MTCL1: variants seen among roughly 807,000 people sequenced by gnomAD.
MTCL1 encodes the protein microtubule crosslinking factor 1, also known as microtubule cross-linking factor 1.
Under a neutral mutation model 141.4 loss-of-function variants are expected in MTCL1, and 79 were observed. The observed-to-expected ratio is 0.56, with a 90% CI of 0.47 to 0.67. MTCL1 has a LOEUF of 0.67. Among genes scored for constraint, MTCL1 ranks in the 30% least tolerant of loss-of-function variants. MTCL1 has a pLI of 0.00. For missense variants in MTCL1, 2,177 were observed against 2,113.9 expected, an observed-to-expected ratio of 1.03 and a Z score of -0.59; for synonymous variants, 914 against 875.8, an observed-to-expected ratio of 1.04 and a Z score of -0.77.
At chr18:8,825,873 G>T in exon 15 of MTCL1, 1 of 1,614,078 alleles carries the variant, frequency 6.2e-7, no homozygotes, top group Non-Finnish European at 8.5e-7. Flanking sequence ...CCACAGCCCC[G>T]TGGTGCAGGA....
intron 7 of MTCL1, among the ~76,000 whole-genome samples, chr18:8,792,461 A>G (rs2075765090): frequency 6.6e-6 from 1 of 152,168 alleles, no homozygotes; most frequent in Admixed American, 6.5e-5. Flanking sequence ...CCCCCACCCT[A>G]TTGCCCTGAG....
In MTCL1 at chr18:8,751,202, T is replaced by C. The variant is rs80197505; in HGVS notation, c.358-26631T>C. Among the ~76,000 whole-genome samples, 159 of 152,366 alleles carry C rather than the reference T, an allele frequency of 1.0e-3. 2 individuals carry two copies. Among genetic ancestry groups the C allele is most frequent in the African/African-American group, 3.8e-3 (158 of 41,588 alleles). On this transcript the variant is annotated intron_variant, in intron 4 of 16. Coordinates refer to ENST00000359865, the Ensembl canonical transcript of MTCL1. The stretch of plus-strand genomic sequence containing the variant: ...GTAAGGCTCAGGCTGCTGATGACTT[T>C]GCACTTTCACTTGGATGTTTATGTA...
chr18:8,774,124 G>T (rs186500456), intron 4 of MTCL1, among the ~76,000 whole-genome samples: 157 of 152,296 alleles, frequency 1.0e-3, no homozygotes, highest in Admixed American at 1.8e-3. Flanking sequence ...ATTAAAGTTT[G>T]TTTACAAAAC....
chr18:8,803,717 G>A (rs1030651554), intron 10 of MTCL1, among the ~76,000 whole-genome samples: 6 of 152,166 alleles, frequency 3.9e-5, no homozygotes, highest in African/African-American at 1.2e-4. Context: ...AGCTCATTCC[G>A]CAATGATTAA....
At position 8,786,337 on chromosome 18, in the gene MTCL1, C is replaced by T. The variant is rs145080304; in HGVS notation, c.1887+246C>T. 1.5e-3 allele frequency: 1,031 copies of T among 689,558 alleles called. 10 individuals carry two copies. Among genetic ancestry groups the T allele is most frequent in the African/African-American group, 0.015 (837 of 57,022 alleles). The allele number at this position is 689,558 out of a possible 1,614,324, so 42.7% of individuals were successfully genotyped here. A position where few individuals can be genotyped will look rare whatever the true frequency, so the allele number is the denominator to read the frequency against. On this transcript the variant is annotated intron_variant, in intron 7 of 16. Coordinates refer to ENST00000359865, the Ensembl canonical transcript of MTCL1. ...GACAGCTCACTGTAGGCACTGTCCA[C>T]CTCCTGTTTCCGCAGACCGGGAGCA...
At chr18:8,736,256 A>G (rs995284889) in intron 4 of MTCL1, among the ~76,000 whole-genome samples, 4 of 152,184 alleles carry the variant, frequency 2.6e-5, no homozygotes, top group African/African-American at 9.7e-5. Flanking sequence ...GACATCATGC[A>G]TCTTAAAATC....
chr18:8,772,757 T>C (rs1209811407), intron 4 of MTCL1, among the ~76,000 whole-genome samples: 1 of 151,990 alleles, frequency 6.6e-6, no homozygotes, highest in African/African-American at 2.4e-5. Flanking sequence ...GTATTTTCTT[T>C]ATAGTGTATT....
rs112032606 is a variant in MTCL1, at chr18:8,745,387, C to T, written c.357+24891C>T. ...TTTTGAATAAACCAAGAGACGGAGT[C>T]GCACTGTAGCCATCCGTCTGCGGCA... On this transcript the variant is annotated intron_variant, in intron 4 of 16. Coordinates refer to ENST00000359865, the Ensembl canonical transcript of MTCL1. Among the ~76,000 whole-genome samples the T allele has an allele frequency of 3.5e-3, 537 of 152,268 alleles. 4 individuals carry two copies. Among genetic ancestry groups the T allele is most frequent in the African/African-American group, 0.012 (513 of 41,546 alleles).
intron 4 of MTCL1, among the ~76,000 whole-genome samples, chr18:8,744,864 A>AG (rs1555635858): frequency 6.6e-6 from 1 of 151,694 alleles, no homozygotes; most frequent in Non-Finnish European, 1.5e-5. Context: ...CCTGCCCTCC[A>AG]CCCCCCGGAA....
chr18:8,820,087 G>A (rs907328268), intron 13 of MTCL1, among the ~76,000 whole-genome samples: 6 of 151,810 alleles, frequency 4.0e-5, no homozygotes, highest in Non-Finnish European at 8.8e-5. Context: ...TGTTTTTCTG[G>A]TTTTAATATT....
In MTCL1 at chr18:8,822,295, G is replaced by GTTGA. The variant is rs1295710931; in HGVS notation, c.3188+800_3188+801insATTG. 4.6e-5 allele frequency among the ~76,000 whole-genome samples: 7 copies of GTTGA among 151,632 alleles called. No individual in the cohort carries two copies. The highest frequency in any genetic ancestry group is 1.7e-4 in the African/African-American group (7 of 41,296). On this transcript the variant is annotated intron_variant, in intron 14 of 16. Coordinates refer to ENST00000359865, the Ensembl canonical transcript of MTCL1. This position sits in a 1 kb window ranked among gnomAD's most constrained non-coding sequence, Gnocchi z 4.6. Reference sequence around the variant, plus strand: ...ACTGCCTGGGTTGGTTGGTTGGTTGGTTGGTTGGTTGATTTTTGAAATGGA... The same window carrying GTTGA: ...ACTGCCTGGGTTGGTTGGTTGGTTGGTTGATTGGTTGGTTGATTTTTGAAATGGA...
At chr18:8,759,314 G>A (rs1030623576) in intron 4 of MTCL1, among the ~76,000 whole-genome samples, 1 of 152,132 alleles carries the variant, frequency 6.6e-6, no homozygotes, top group Non-Finnish European at 1.5e-5. Flanking sequence ...TCTTTGCTGG[G>A]GCTCAATACT....
chr18:8,769,410 T>A (rs933812761), intron 4 of MTCL1, among the ~76,000 whole-genome samples: 1 of 152,246 alleles, frequency 6.6e-6, no homozygotes, highest in Non-Finnish European at 1.5e-5. Flanking sequence ...ACAGTTTTAC[T>A]TTATTACCTT....
chr18:8,738,120 T>C (rs867616817), intron 4 of MTCL1, among the ~76,000 whole-genome samples: 5 of 152,228 alleles, frequency 3.3e-5, no homozygotes, highest in African/African-American at 4.8e-5. Flanking sequence ...CTCTCCTTTC[T>C]GTTGGGTAGC....
At chr18:8,791,643 A>C (rs188038850) in intron 7 of MTCL1, among the ~76,000 whole-genome samples, 60 of 152,240 alleles carry the variant, frequency 3.9e-4, no homozygotes, top group African/African-American at 1.3e-3. Flanking sequence ...CCATCATAAA[A>C]GACCACACAT....
Position 8,705,929 on chromosome 18 carries a change from C to T in MTCL1, c.269C>T (p.Ser90Phe). 3 of 1,087,036 alleles carry T rather than the reference C, an allele frequency of 2.8e-6. No individual in the cohort carries two copies. The highest frequency in any genetic ancestry group is 3.3e-6 in the Non-Finnish European group (3 of 897,590). The allele number at this position is 1,087,036 out of a possible 1,614,324, so 67.3% of individuals were successfully genotyped here. Residue 90 changes from serine (S) to phenylalanine (F), a missense_variant, in exon 1 of 14, where the codon TCC (serine) becomes TTC (phenylalanine). Transcript: ENST00000306329. This position sits in a 1 kb window ranked among gnomAD's most constrained non-coding sequence, Gnocchi z 5.2. ...GGCAAAGCGCCGCCCTCGCCGGGGT[C>T]CCTGGCCGCGCCCGGCCGCCTCTCT... is the stretch of plus-strand genomic sequence containing the variant.
chr18:8,734,769 C>T (rs571273831), intron 4 of MTCL1, among the ~76,000 whole-genome samples: 22 of 152,286 alleles, frequency 1.4e-4, no homozygotes, highest in African/African-American at 2.9e-4. Flanking sequence ...AGCATCCCTG[C>T]GGAGCTTTTA....
chr18:8,799,909 A>G (rs1044730977), intron 10 of MTCL1, among the ~76,000 whole-genome samples: 1 of 152,154 alleles, frequency 6.6e-6, no homozygotes, highest in Non-Finnish European at 1.5e-5. Context: ...TTCCAACACT[A>G]GTTTTTAGCG....
At chr18:8,819,099 A>C (rs1162769609) in exon 13 of MTCL1, 7 of 1,614,074 alleles carry the variant, frequency 4.3e-6, no homozygotes, top group Non-Finnish European at 5.9e-6. Context: ...GCAGATGCTG[A>C]CTCCATCCCG....
Sources: allele counts gnomAD v4.1 joint callset (sites outside exome capture counted in the v4.1 genomes callset), GRCh38; gene constraint gnomAD v4.1.1; non-coding constraint Gnocchi (gnomAD v3.1); transcripts MANE v1.5; gene names NCBI Gene and HGNC (gene_info 2026-07-23, HGNC 2026-07-21).